Variants in LRRFIP1 observed in about 807,000 individuals in gnomAD.
The protein encoded by LRRFIP1 is LRR binding FLII interacting protein 1.
Under a neutral mutation model 104.4 loss-of-function variants are expected in LRRFIP1, and 62 were observed. That is an observed-to-expected ratio of 0.59 (90% CI 0.48 to 0.73). The LOEUF (loss-of-function observed/expected upper bound fraction) is 0.73, where lower values mean the gene tolerates loss of function less well. Among genes scored for constraint, LRRFIP1 ranks in the 30% least tolerant of loss-of-function variants. LRRFIP1 has a pLI of 0.00. For synonymous variants in LRRFIP1, 300 were observed against 299.0 expected (o/e 1.00, Z -0.03); for missense variants, 796 against 824.5 (o/e 0.97, Z 0.42).
intron 15 of LRRFIP1, among the ~76,000 whole-genome samples, chr2:237,754,320 C>T (rs2059016980): frequency 6.6e-6 from 1 of 152,190 alleles, no homozygotes; most frequent in South Asian, 2.1e-4. Flanking sequence ...GAGAGATAGT[C>T]TTATCTGAGC....
rs2085632325 is a variant in LRRFIP1 at position 237,649,876 on chromosome 2, G to A, written c.96+22136G>A. On this transcript the variant is annotated intron_variant, in intron 1 of 23. Coordinates refer to ENST00000308482, the MANE Select transcript of LRRFIP1 (RefSeq NM_001137550.2). This position sits in a 1 kb window ranked among gnomAD's most constrained non-coding sequence, Gnocchi z 4.1. ...AAAAAAATTGATTACCCCCCGGCATGTCCTAATATACTGCAGCCTTCGAAA... is the reference window on the plus strand; with the variant it reads ...AAAAAAATTGATTACCCCCCGGCATATCCTAATATACTGCAGCCTTCGAAA... 6.6e-6 allele frequency among the ~76,000 whole-genome samples: 1 copy of A among 151,882 alleles called. No individual in the cohort carries two copies. The highest frequency in any genetic ancestry group is 2.1e-4 in the South Asian group (1 of 4,814).
At chr2:237,736,942 C>T (rs2095268046) in intron 10 of LRRFIP1, among the ~76,000 whole-genome samples, 1 of 152,196 alleles carries the variant, frequency 6.6e-6, no homozygotes, top group African/African-American at 2.4e-5. Flanking sequence ...GCCACCCCTG[C>T]TCTCGGTCCA....
At chr2:237,664,055 A>C (rs2088663046) in intron 1 of LRRFIP1, among the ~76,000 whole-genome samples, 1 of 151,840 alleles carries the variant, frequency 6.6e-6, no homozygotes, top group Admixed American at 6.5e-5. Context: ...GTGGGGGCAG[A>C]GGGGAAACAG....
intron 1 of LRRFIP1, among the ~76,000 whole-genome samples, chr2:237,667,139 G>A (rs769761096): frequency 3.2e-4 from 48 of 151,604 alleles, no homozygotes; most frequent in Non-Finnish European, 6.2e-4. Context: ...TTTCAGCCCC[G>A]CATGCTTTAG....
rs11897864 is a variant in LRRFIP1 at position 237,640,735 on chromosome 2, C to T, written c.96+12995C>T. 2.0e-5 allele frequency among the ~76,000 whole-genome samples: 3 copies of T among 152,238 alleles called. No homozygotes were observed. In the South Asian group the frequency reaches 6.2e-4, roughly 32 times the overall value. On this transcript the variant is annotated intron_variant, in intron 1 of 23. Coordinates refer to ENST00000308482, the MANE Select transcript of LRRFIP1 (RefSeq NM_001137550.2). ...CTGCCTCAGCCCTGGGCCTCCGCAG[C>T]TCTCTGCACGATACTCTCCTCATCA...
At chr2:237,701,115 C>A (rs866498025) in intron 1 of LRRFIP1, among the ~76,000 whole-genome samples, 3 of 152,220 alleles carry the variant, frequency 2.0e-5, no homozygotes, top group Non-Finnish European at 4.4e-5. Context: ...GTGCCAGGAT[C>A]CCCTGAAGGA....
intron 18 of LRRFIP1, among the ~76,000 whole-genome samples, chr2:237,759,795 A>G (rs1390178976): frequency 6.6e-6 from 1 of 152,186 alleles, no homozygotes; most frequent in Non-Finnish European, 1.5e-5. Flanking sequence ...TGTAGTTAAA[A>G]AGGATGCCTG....
At chr2:237,734,211 C>T (rs936890764) in intron 9 of LRRFIP1, among the ~76,000 whole-genome samples, 2 of 148,872 alleles carry the variant, frequency 1.3e-5, no homozygotes, top group Non-Finnish European at 3.0e-5. Flanking sequence ...AATATAAGTA[C>T]TTATGCTATG....
chr2:237,667,897 T>G (rs1444385305), intron 1 of LRRFIP1, among the ~76,000 whole-genome samples: 1 of 152,110 alleles, frequency 6.6e-6, no homozygotes, highest in Non-Finnish European at 1.5e-5. Context: ...CTTCTCTGCT[T>G]GTTTTCATGA....
intron 7 of LRRFIP1, among the ~76,000 whole-genome samples, chr2:237,726,960 A>G (rs1307698536): frequency 6.6e-6 from 1 of 152,216 alleles, no homozygotes; most frequent in African/African-American, 2.4e-5. Context: ...TATGTGTTCA[A>G]ATTTCATTTT....
intron 1 of LRRFIP1, among the ~76,000 whole-genome samples, chr2:237,704,253 C>T (rs556976372): frequency 1.3e-5 from 2 of 150,950 alleles, no homozygotes; most frequent in East Asian, 1.9e-4. Context: ...CCCAGGTTCA[C>T]GTAATTCTTC....
At chr2:237,663,131 C>T (rs918678988) in intron 1 of LRRFIP1, among the ~76,000 whole-genome samples, 13 of 152,186 alleles carry the variant, frequency 8.5e-5, no homozygotes, top group African/African-American at 3.1e-4. Context: ...CTTTCCTGAG[C>T]AAGGCCAAGA....
chr2:237,628,228 A>C (rs1199037749), intron 1 of LRRFIP1, among the ~76,000 whole-genome samples: 1 of 152,216 alleles, frequency 6.6e-6, no homozygotes, highest in Non-Finnish European at 1.5e-5. Context: ...CCATCCATCG[A>C]TGTCACTCAA....
chr2:237,771,625 G>C lies in LRRFIP1; in HGVS notation c.1510-456G>C, dbSNP rs1002038239. 2.1e-5 allele frequency among the ~76,000 whole-genome samples: 3 copies of C among 141,132 alleles called. No homozygotes were observed. In the South Asian group the frequency reaches 6.6e-4, roughly 31 times the overall value. The allele number at this position is 141,132 out of a possible 152,430, so 92.6% of individuals were successfully genotyped here. On this transcript the variant is annotated intron_variant, in intron 20 of 23. Transcript: ENST00000308482. ...GTCTTGCTTAGAGAGGGGAAAGCTA[G>C]CTAGAGACCAACTCCCTGAAAGCTG...
chr2:237,749,464 G>A, intron 13 of LRRFIP1, 140 bp downstream of exon 13: 1 of 1,014,586 alleles, frequency 9.9e-7, no homozygotes, highest in East Asian at 2.7e-5. Flanking sequence ...CTAAAATACG[G>A]TGTTCTCCTA....
At chr2:237,657,418 C>A (rs1301607318) in intron 1 of LRRFIP1, among the ~76,000 whole-genome samples, 1 of 152,158 alleles carries the variant, frequency 6.6e-6, no homozygotes, top group Non-Finnish European at 1.5e-5. Context: ...AGAGATAGTA[C>A]AGTCACTACT....
chr2:237,762,157 G>C (rs2059940974), intron 19 of LRRFIP1, among the ~76,000 whole-genome samples: 2 of 152,212 alleles, frequency 1.3e-5, no homozygotes, highest in Non-Finnish European at 1.5e-5. Context: ...CTTGAAAGCT[G>C]CTTTTAGGGC....
intron 1 of LRRFIP1, among the ~76,000 whole-genome samples, chr2:237,688,585 A>G (rs2092557271): frequency 1.3e-5 from 2 of 151,490 alleles, no homozygotes; most frequent in Non-Finnish European, 2.9e-5. Context: ...CTGCCTCCCA[A>G]ATAGCTGAGA....
Position 237,780,384 on chromosome 2 carries a change from T to C in LRRFIP1, c.*852T>C, listed in dbSNP as rs1267427016. The C allele has an allele frequency of 6.6e-6, 1 of 152,190 alleles. No individual in the cohort carries two copies. Among genetic ancestry groups the C allele is most frequent in the Non-Finnish European group, 1.5e-5 (1 of 68,026 alleles). The allele number at this position is 152,190 out of a possible 1,614,324, so 9.4% of individuals were successfully genotyped here. A position where few individuals can be genotyped will look rare whatever the true frequency, so the allele number is the denominator to read the frequency against. On this transcript the variant is annotated 3_prime_UTR_variant, in exon 24 of 24. Transcript: ENST00000308482. ...AATTTCATATTAATGGTTCTGTATA[T>C]TTTGGGTCATCTTTTTATTTTTTAA...
Sources: allele counts gnomAD v4.1 joint callset (sites outside exome capture counted in the v4.1 genomes callset), GRCh38; gene constraint gnomAD v4.1.1; non-coding constraint Gnocchi (gnomAD v3.1); transcripts MANE v1.5; gene names NCBI Gene and HGNC (gene_info 2026-07-23, HGNC 2026-07-21).